The following ZNG1B variants were observed in gnomAD, a reference collection of about 807,000 sequenced individuals.
ZNG1B encodes zinc-regulated GTPase metalloprotein activator 1B.
the ZNG1B span, chr2:113,445,336 A>G: frequency 1.8e-5 from 6 of 338,044 alleles, no homozygotes; most frequent in African/African-American, 2.1e-5. Context: ...AAATAAGGAC[A>G]TGTAGGAAGA....
the ZNG1B span, among the ~76,000 whole-genome samples, chr2:113,484,125 AATTT>A: frequency 7.1e-6 from 1 of 141,788 alleles, no homozygotes; most frequent in Non-Finnish European, 1.5e-5. Flanking sequence ...TCAACATAGA[AATTT>A]ATTTAGTAAG....
At chr2:113,442,380 ATATC>A in the ZNG1B span, among the ~76,000 whole-genome samples, 1 of 152,194 alleles carries the variant, frequency 6.6e-6, no homozygotes, top group South Asian at 2.1e-4. Context: ...CCAAAAAACA[ATATC>A]TATTAAATGA....
chr2:113,453,825 G>A, the ZNG1B span, among the ~76,000 whole-genome samples: 4 of 147,910 alleles, frequency 2.7e-5, no homozygotes, highest in Admixed American at 2.7e-4. Context: ...TAATGTTAGA[G>A]CCTTTTATTT....
the ZNG1B span, among the ~76,000 whole-genome samples, chr2:113,440,687 G>A: frequency 6.7e-6 from 1 of 149,292 alleles, no homozygotes; most frequent in African/African-American, 2.5e-5. Context: ...TAGCAGCACT[G>A]TAATAGTAAA....
At chr2:113,439,172 T>C in the ZNG1B span, 3 of 1,270,312 alleles carry the variant, frequency 2.4e-6, no homozygotes, top group South Asian at 2.8e-5. Flanking sequence ...TGAGAATTAA[T>C]ACCAGCAACC....
the ZNG1B span, among the ~76,000 whole-genome samples, chr2:113,485,241 T>C: frequency 7.3e-6 from 1 of 136,910 alleles, no homozygotes; most frequent in African/African-American, 2.9e-5. Flanking sequence ...AATGAGAAGG[T>C]GAGAATCTTA....
At chr2:113,476,322 C>A in the ZNG1B span, among the ~76,000 whole-genome samples, 1 of 151,464 alleles carries the variant, frequency 6.6e-6, no homozygotes, top group East Asian at 1.9e-4. Context: ...AGTTCTTGAG[C>A]CTTGGTTTTC....
At chr2:113,478,943 T>C in the ZNG1B span, among the ~76,000 whole-genome samples, 1 of 151,648 alleles carries the variant, frequency 6.6e-6, no homozygotes, top group African/African-American at 2.4e-5. Context: ...ATTCAAGAAG[T>C]TGTCTTCAGT....
chr2:113,456,455 T>G, the ZNG1B span, among the ~76,000 whole-genome samples: 1 of 58,634 alleles, frequency 1.7e-5, no homozygotes, highest in Non-Finnish European at 3.4e-5. Flanking sequence ...AGACATTTTG[T>G]TTTTTTTTTT....
the ZNG1B span, chr2:113,462,580 A>C: frequency 2.7e-6 from 4 of 1,469,060 alleles, no homozygotes; most frequent in Non-Finnish European, 3.8e-6. Context: ...CCCTGTAGAA[A>C]CTTAAGGTAT....
At chr2:113,457,620 C>A in the ZNG1B span, among the ~76,000 whole-genome samples, 1 of 150,754 alleles carries the variant, frequency 6.6e-6, no homozygotes, top group African/African-American at 2.4e-5. Context: ...CTTTGTTTCT[C>A]TCCCTAACCC....
At chr2:113,474,599 C>A in the ZNG1B span, among the ~76,000 whole-genome samples, 8 of 140,204 alleles carry the variant, frequency 5.7e-5, no homozygotes, top group African/African-American at 1.9e-4. Flanking sequence ...AATTTTGGAT[C>A]TTTCCTGCTT....
At chr2:113,461,445 T>A in the ZNG1B span, among the ~76,000 whole-genome samples, 2 of 151,912 alleles carry the variant, frequency 1.3e-5, no homozygotes, top group African/African-American at 4.8e-5. Flanking sequence ...AAAATATAAA[T>A]AAGCCAAATA....
chr2:113,440,817 G>A, the ZNG1B span, among the ~76,000 whole-genome samples: 3 of 144,220 alleles, frequency 2.1e-5, no homozygotes, highest in African/African-American at 7.8e-5. Context: ...GAATTTTAGT[G>A]TGTACGGTTC....
chr2:113,446,797 TACAC>T, the ZNG1B span, among the ~76,000 whole-genome samples: 1 of 143,464 alleles, frequency 7.0e-6, no homozygotes, highest in Non-Finnish European at 1.5e-5. Context: ...CACACATTCA[TACAC>T]ACACACACAT....
chr2:113,460,530 G>A, the ZNG1B span: 2 of 1,277,900 alleles, frequency 1.6e-6, no homozygotes, highest in Non-Finnish European at 2.1e-6. Flanking sequence ...AGAAAAGTTA[G>A]TTTTGGATTT....
chr2:113,474,138 G>A, the ZNG1B span, among the ~76,000 whole-genome samples: 1 of 151,902 alleles, frequency 6.6e-6, no homozygotes, highest in Non-Finnish European at 1.5e-5. Flanking sequence ...TGGTTGGTAA[G>A]CTATTGATTA....
chr2:113,483,253 A>G, the ZNG1B span, among the ~76,000 whole-genome samples: 1 of 150,914 alleles, frequency 6.6e-6, no homozygotes, highest in African/African-American at 2.4e-5. Context: ...CTCACTTTCC[A>G]TGAGCGTTTG....
At chr2:113,475,553 G>C in the ZNG1B span, among the ~76,000 whole-genome samples, 1 of 151,524 alleles carries the variant, frequency 6.6e-6, no homozygotes, top group Non-Finnish European at 1.5e-5. Flanking sequence ...TGGTTATTTT[G>C]CTCGTTAGTT....
Sources: gnomAD v4.1 joint callset for allele counts (sites outside exome capture counted in the v4.1 genomes callset) on GRCh38, gnomAD v4.1.1 for gene constraint, MANE v1.5 for transcripts, NCBI Gene and HGNC (gene_info 2026-07-23, HGNC 2026-07-21) for gene names.